The following CRY1 variants were observed in gnomAD, a reference collection of about 807,000 sequenced individuals.
CRY1 encodes the protein cryptochrome circadian regulator 1.
CRY1 carries 45 observed loss-of-function variants against 76.0 expected under a neutral mutation model. The ratio of observed to expected loss-of-function variants is 0.59; its 90% CI spans 0.47 to 0.76. The LOEUF is 0.76. Ranked by LOEUF, CRY1 falls within the 30% of genes least tolerant of loss-of-function variation. The pLI, the probability that CRY1 is intolerant of heterozygous loss-of-function variation, is 0.00. For synonymous variants in CRY1, 248 were observed against 244.0 expected (o/e 1.02, Z -0.15); for missense variants, 587 against 716.4 (o/e 0.82, Z 2.06).
intron 1 of CRY1, among the ~76,000 whole-genome samples, chr12:107,034,033 T>C (rs1486086109): frequency 6.6e-6 from 1 of 151,676 alleles, no homozygotes; most frequent in Non-Finnish European, 1.5e-5. Context: ...TCCAGGAAGT[T>C]AGGCGTTCTT....
rs777756052 is a variant in CRY1 at position 106,997,932 on chromosome 12, G to C, written c.1272C>G (p.Pro424=). 2.5e-6 allele frequency: 4 copies of C among 1,613,792 alleles called. No homozygotes were observed. The East Asian group carries it at 8.9e-5, about 36-fold the overall frequency. ...TGATTTACCTGATATAGTCTCCATTGGGATCTGTTCTCCTACCAAAACCAA... is the reference window on the plus strand; with the variant it reads ...TGATTTACCTGATATAGTCTCCATTCGGATCTGTTCTCCTACCAAAACCAA... ...CPVGFGRRTD[P]NGDYIRRYLP... is the part of the protein sequence containing the mutation. Residue 424 remains proline, a synonymous_variant, in exon 8 of 13, where the codon CCC becomes CCG. Coordinates refer to ENST00000008527, the MANE Select transcript of CRY1 (RefSeq NM_004075.5).
At chr12:107,004,830 A>G (rs928571369) in intron 3 of CRY1, among the ~76,000 whole-genome samples, 2 of 152,204 alleles carry the variant, frequency 1.3e-5, no homozygotes, top group Non-Finnish European at 2.9e-5. Context: ...GTCAAGGAAA[A>G]TTCTGTAATA....
At chr12:107,016,251 A>G (rs1253865097) in intron 2 of CRY1, among the ~76,000 whole-genome samples, 1 of 152,222 alleles carries the variant, frequency 6.6e-6, no homozygotes, top group East Asian at 1.9e-4. Context: ...TGGAGGCTGC[A>G]GTGAGCTGAG....
intron 7 of CRY1, 35 bp from the exon 8 acceptor site, chr12:106,998,101 C>G: frequency 1.2e-6 from 2 of 1,608,104 alleles, no homozygotes; most frequent in Non-Finnish European, 1.7e-6. Flanking sequence ...AGTTTGCACA[C>G]ACATAATTCG....
rs193259728 is a variant in CRY1, at chr12:107,085,270, C to T, written c.158+7534G>A. Among the ~76,000 whole-genome samples, 827 of 152,274 alleles carry T rather than the reference C, an allele frequency of 5.4e-3. 4 individuals are homozygous for T. The highest frequency in any genetic ancestry group is 6.6e-3 in the Non-Finnish European group (452 of 68,024). On this transcript the variant is annotated intron_variant, in intron 1 of 12. Coordinates refer to ENST00000008527, the MANE Select transcript of CRY1 (RefSeq NM_004075.5). Reference sequence around the variant, plus strand: ...GACAGTGTGGTGATTCCTCAAGGATCTACAAACAGAAATATCATTTGACCC... The same window carrying T: ...GACAGTGTGGTGATTCCTCAAGGATTTACAAACAGAAATATCATTTGACCC...
intron 1 of CRY1, among the ~76,000 whole-genome samples, chr12:107,046,125 TAAAAA>T (rs35548593): frequency 7.3e-6 from 1 of 137,094 alleles, no homozygotes; most frequent in African/African-American, 2.7e-5. Context: ...GACTCTGTCT[TAAAAA>T]AAAAAAAAAA....
Position 107,001,308 on chromosome 12 carries a change from G to GT in CRY1, c.655dup (p.Thr219AsnfsTer17). ...TCTTTCCAAATGCCTTTCCAAACGAGTAAGTGCTTCAGTTTCTCCACCTGG... is the reference window on the plus strand; with the variant it reads ...TCTTTCCAAATGCCTTTCCAAACGAGTTAAGTGCTTCAGTTTCTCCACCTGG... On this transcript the variant is annotated frameshift_variant, in exon 5 of 13. Transcript: ENST00000008527. LOFTEE classifies it high-confidence loss of function. The GT allele has an allele frequency of 1.2e-6, 2 of 1,613,636 alleles. No homozygotes were observed. The highest frequency in any genetic ancestry group is 8.5e-7 in the Non-Finnish European group (1 of 1,179,712).
chr12:107,032,908 T>C (rs771307971), intron 1 of CRY1, among the ~76,000 whole-genome samples: 3 of 151,112 alleles, frequency 2.0e-5, no homozygotes, highest in Non-Finnish European at 3.0e-5. Flanking sequence ...AAGAAGAAAA[T>C]GATAAAGAAC....
At chr12:107,026,157 A>ACATATATATGTTATATGTGTTATATATGT (rs1160937379) in intron 1 of CRY1, among the ~76,000 whole-genome samples, 2 of 75,706 alleles carry the variant, frequency 2.6e-5, no homozygotes, top group Admixed American at 1.9e-4. Flanking sequence ...TATATATATA[A>ACATATATATGTTATATGTGTTATATATGT]AATATATATA....
intron 1 of CRY1, among the ~76,000 whole-genome samples, chr12:107,092,119 T>C (rs1953478685): frequency 6.6e-6 from 1 of 152,334 alleles, no homozygotes; most frequent in Non-Finnish European, 1.5e-5. Flanking sequence ...GCTATGCTTT[T>C]ATTTCCACCA....
chr12:106,992,497 G>T, intron 12 of CRY1: 1 of 254,206 alleles, frequency 3.9e-6, no homozygotes, highest in Non-Finnish European at 7.6e-6. Context: ...ACATAGTAAG[G>T]AAATAAAAAA....
chr12:106,996,434 G>A (rs1204884560), intron 10 of CRY1, among the ~76,000 whole-genome samples: 6 of 152,118 alleles, frequency 3.9e-5, no homozygotes, highest in Non-Finnish European at 8.8e-5. Context: ...ATGAACATAC[G>A]TGTGCATGTA....
rs1185433319 is a variant in CRY1 at position 107,039,976 on chromosome 12, C to T, written c.159-17784G>A. On this transcript the variant is annotated intron_variant, in intron 1 of 12. Coordinates refer to ENST00000008527, the MANE Select transcript of CRY1 (RefSeq NM_004075.5). The stretch of plus-strand genomic sequence containing the variant: ...ACACACACGTATATGCATACATACA[C>T]ACAAATATAAAATACACACACAATG... Among the ~76,000 whole-genome samples, 4 of 152,092 alleles carry T rather than the reference C, an allele frequency of 2.6e-5. No individual in the cohort carries two copies. In the East Asian group the frequency reaches 7.7e-4, roughly 29 times the overall value.
chr12:107,009,269 C>G (rs1952410226), intron 2 of CRY1, among the ~76,000 whole-genome samples: 2 of 151,874 alleles, frequency 1.3e-5, no homozygotes, highest in Non-Finnish European at 2.9e-5. Flanking sequence ...GCAGGCTGGG[C>G]ACGGTGGCTC....
At chr12:107,024,399 T>C (rs1001037474) in intron 1 of CRY1, among the ~76,000 whole-genome samples, 1 of 152,182 alleles carries the variant, frequency 6.6e-6, no homozygotes, top group Admixed American at 6.5e-5. Context: ...CGAATGCTTT[T>C]AATAAACATT....
At position 107,080,251 on chromosome 12, in the gene CRY1, T is replaced by C. The variant is rs1002386298; in HGVS notation, c.158+12553A>G. Among the ~76,000 whole-genome samples the C allele has an allele frequency of 6.6e-5, 10 of 152,072 alleles. No homozygotes were observed. The East Asian group carries it at 1.7e-3, about 26-fold the overall frequency. On this transcript the variant is annotated intron_variant, in intron 1 of 12. Coordinates refer to ENST00000008527, the MANE Select transcript of CRY1 (RefSeq NM_004075.5). ...ACTCAGTTTGGGGTTTGTTTGTTTT[T>C]GTGCAATAGAGAAGGATGAAGATGA...
chr12:107,029,057 GA>G (rs1338629116), intron 1 of CRY1, among the ~76,000 whole-genome samples: 4 of 152,114 alleles, frequency 2.6e-5, no homozygotes, highest in Admixed American at 6.5e-5. Flanking sequence ...GTGTAACTCA[GA>G]AAAACTATTT....
chr12:107,020,902 A>G (rs1002602935), intron 2 of CRY1, among the ~76,000 whole-genome samples: 2 of 152,238 alleles, frequency 1.3e-5, no homozygotes, highest in East Asian at 1.9e-4. Context: ...CTCTAGGCCT[A>G]ATTTTTTCAT....
At chr12:107,063,738 C>T (rs1424908621) in intron 1 of CRY1, among the ~76,000 whole-genome samples, 1 of 152,166 alleles carries the variant, frequency 6.6e-6, no homozygotes, top group Non-Finnish European at 1.5e-5. Flanking sequence ...GCTGGGATTA[C>T]AGGCATGCAC....
Sources: gnomAD v4.1 joint callset for allele counts (sites outside exome capture counted in the v4.1 genomes callset) on GRCh38, gnomAD v4.1.1 for gene constraint, MANE v1.5 for transcripts, NCBI Gene and HGNC (gene_info 2026-07-23, HGNC 2026-07-21) for gene names.